Variants in IQCJ observed in about 807,000 individuals in gnomAD.
The protein encoded by IQCJ is IQ domain-containing protein J.
IQCJ carries 9 observed loss-of-function variants against 11.0 expected under a neutral mutation model. The ratio of observed to expected loss-of-function variants is 0.82; its 90% confidence interval spans 0.49 to 1.43. The LOEUF (loss-of-function observed/expected upper bound fraction) is 1.43, where lower values mean the gene tolerates loss of function less well. Ranked by LOEUF, IQCJ falls within the 40% of genes most tolerant of loss-of-function variation. The probability of loss-of-function intolerance (pLI) is 0.00; values close to 1 mark genes in which losing one functional copy is unlikely to be tolerated. For missense variants in IQCJ, 146 were observed against 133.2 expected (o/e 1.10, Z -0.47); for synonymous variants, 55 against 51.3 (o/e 1.07, Z -0.31).
At chr3:159,072,812 G>T (rs893308435) in intron 1 of IQCJ, among the ~76,000 whole-genome samples, 1 of 151,996 alleles carries the variant, frequency 6.6e-6, no homozygotes, top group South Asian at 2.1e-4. Flanking sequence ...TTTGTATAAG[G>T]TCAGAAATGG....
intron 2 of IQCJ, among the ~76,000 whole-genome samples, chr3:159,247,237 C>T (rs1356001295): frequency 6.6e-6 from 1 of 152,162 alleles, no homozygotes; most frequent in Non-Finnish European, 1.5e-5. Context: ...GCTGGGATTA[C>T]AGGCACGTGC....
intron 1 of IQCJ, among the ~76,000 whole-genome samples, chr3:159,140,608 G>A (rs1408762699): frequency 2.6e-5 from 4 of 152,210 alleles, no homozygotes; most frequent in Non-Finnish European, 4.4e-5. Context: ...GTGTGACACA[G>A]AGGCAGGATA....
intron 1 of IQCJ, among the ~76,000 whole-genome samples, chr3:159,074,152 C>G (rs530154411): frequency 1.8e-4 from 28 of 152,156 alleles, no homozygotes; most frequent in Admixed American, 1.6e-3. Flanking sequence ...AGAGAAGTAA[C>G]ATGATCAAAA....
chr3:159,136,119 G>C (rs1577032062), intron 1 of IQCJ, among the ~76,000 whole-genome samples: 1 of 152,162 alleles, frequency 6.6e-6, no homozygotes, highest in East Asian at 1.9e-4. Flanking sequence ...TGACTTCAGA[G>C]TATGTGTTTC....
intron 1 of IQCJ, among the ~76,000 whole-genome samples, chr3:159,169,256 T>A (rs1266346142): frequency 6.6e-6 from 1 of 150,874 alleles, no homozygotes; most frequent in Non-Finnish European, 1.5e-5. Context: ...GTTCTTTTTT[T>A]TTTCCCTTTT....
intron 3 of IQCJ, among the ~76,000 whole-genome samples, chr3:159,261,826 AC>A (rs1488391688): frequency 6.7e-6 from 1 of 148,226 alleles, no homozygotes; most frequent in African/African-American, 2.4e-5. Context: ...CTTAGGCGAA[AC>A]CTGAAATAGC....
intron 1 of IQCJ, among the ~76,000 whole-genome samples, chr3:159,235,725 T>C (rs1287527302): frequency 6.6e-6 from 1 of 152,222 alleles, no homozygotes; most frequent in African/African-American, 2.4e-5. Flanking sequence ...GTACTTGCTA[T>C]GTTTCGACTT....
chr3:159,227,840 G>A (rs140731258), intron 1 of IQCJ, among the ~76,000 whole-genome samples: 17 of 152,290 alleles, frequency 1.1e-4, no homozygotes, highest in African/African-American at 3.6e-4. Context: ...AATACAGGAT[G>A]CAATCCTCAA....
At chr3:159,087,628 C>T (rs891411034) in intron 1 of IQCJ, among the ~76,000 whole-genome samples, 1 of 145,096 alleles carries the variant, frequency 6.9e-6, no homozygotes, top group African/African-American at 2.5e-5. Context: ...GATTCAACTT[C>T]TTCCTGGTTT....
At chr3:159,090,947 T>A (rs1269690384) in intron 1 of IQCJ, among the ~76,000 whole-genome samples, 1 of 151,918 alleles carries the variant, frequency 6.6e-6, no homozygotes, top group Non-Finnish European at 1.5e-5. Context: ...ATTTCCCCAG[T>A]TGATTTGTAT....
chr3:159,229,094 T>A (rs1726035242), intron 1 of IQCJ, among the ~76,000 whole-genome samples: 1 of 152,190 alleles, frequency 6.6e-6, no homozygotes, highest in Non-Finnish European at 1.5e-5. Flanking sequence ...TTCTTGTCTA[T>A]CTGCCTGCCT....
chr3:159,204,297 T>C (rs1724523053), intron 1 of IQCJ, among the ~76,000 whole-genome samples: 1 of 152,204 alleles, frequency 6.6e-6, no homozygotes, highest in Admixed American at 6.5e-5. Flanking sequence ...TAACTGTAGA[T>C]GATTGAATGG....
chr3:159,103,499 C>A (rs756301212), intron 1 of IQCJ, among the ~76,000 whole-genome samples: 1 of 152,106 alleles, frequency 6.6e-6, no homozygotes, highest in Non-Finnish European at 1.5e-5. Flanking sequence ...ATTTTAGGAT[C>A]GACATTCTGC....
chr3:159,197,659 G>C (rs897922471), intron 1 of IQCJ, among the ~76,000 whole-genome samples: 1 of 152,004 alleles, frequency 6.6e-6, no homozygotes, highest in African/African-American at 2.4e-5. Flanking sequence ...CAGAACAAAG[G>C]GTCACAAACT....
At chr3:159,144,678 A>G (rs1720824619) in intron 1 of IQCJ, among the ~76,000 whole-genome samples, 1 of 150,486 alleles carries the variant, frequency 6.6e-6, no homozygotes, top group Non-Finnish European at 1.5e-5. Context: ...ACACACACAC[A>G]CACACACACA....
intron 3 of IQCJ, among the ~76,000 whole-genome samples, chr3:159,256,453 G>T (rs1727902763): frequency 6.6e-6 from 1 of 152,174 alleles, no homozygotes; most frequent in African/African-American, 2.4e-5. Flanking sequence ...GCATTTGAGA[G>T]TAATACATTT....
intron 1 of IQCJ, among the ~76,000 whole-genome samples, chr3:159,203,286 T>A (rs1056576245): frequency 1.4e-5 from 2 of 148,092 alleles, no homozygotes; most frequent in African/African-American, 5.0e-5. Flanking sequence ...TTATGGAGAG[T>A]GTGGTCTGTG....
intron 1 of IQCJ, among the ~76,000 whole-genome samples, chr3:159,087,221 T>C (rs1410637375): frequency 6.6e-6 from 1 of 152,144 alleles, no homozygotes; most frequent in African/African-American, 2.4e-5. Context: ...GGATTACATT[T>C]ATTGATTTGC....
At chr3:159,208,833 A>G (rs1349348178) in intron 1 of IQCJ, among the ~76,000 whole-genome samples, 2 of 152,198 alleles carry the variant, frequency 1.3e-5, no homozygotes, top group South Asian at 2.1e-4. Flanking sequence ...GGAGTATTCT[A>G]AATCCAATGA....
Sources: allele counts gnomAD v4.1 joint callset (sites outside exome capture counted in the v4.1 genomes callset), GRCh38; gene constraint gnomAD v4.1.1; transcripts MANE v1.5; gene names NCBI Gene and HGNC (gene_info 2026-07-23, HGNC 2026-07-21).